C12orf42: variants seen among roughly 807,000 people sequenced by gnomAD.
C12orf42 encodes uncharacterized protein C12orf42.
A neutral mutation model predicts 21.6 loss-of-function variants in C12orf42; 25 were observed. The observed-to-expected ratio is 1.16, with a 90% confidence interval of 0.84 to 1.62. The LOEUF (loss-of-function observed/expected upper bound fraction) is 1.62, where lower values mean the gene tolerates loss of function less well. Ranked by LOEUF, C12orf42 falls within the 40% of genes most tolerant of loss-of-function variation. The probability of loss-of-function intolerance (pLI) is 0.00; values close to 1 mark genes in which losing one functional copy is unlikely to be tolerated. For missense variants in C12orf42, 483 were observed against 459.3 expected, an observed-to-expected ratio of 1.05 and a Z score of -0.47; for synonymous variants, 174 against 175.0, an observed-to-expected ratio of 0.99 and a Z score of 0.05.
the C12orf42 span, among the ~76,000 whole-genome samples, chr12:103,524,998 T>G: frequency 3.9e-5 from 6 of 151,932 alleles, no homozygotes; most frequent in Admixed American, 6.6e-5. Context: ...GGGGAGATTT[T>G]TTTGTTTGTT....
the C12orf42 span, among the ~76,000 whole-genome samples, chr12:103,070,426 T>C: frequency 1.3e-5 from 2 of 152,048 alleles, no homozygotes; most frequent in African/African-American, 4.8e-5. Flanking sequence ...CTTTCATCTT[T>C]GCAATTCCAT....
chr12:103,258,559 AAAT>A (rs1334445939), intron 10 of C12orf42, among the ~76,000 whole-genome samples: 1 of 151,848 alleles, frequency 6.6e-6, no homozygotes, highest in African/African-American at 2.4e-5. Flanking sequence ...AGAAATCAAA[AAAT>A]AAGAATAAAA....
chr12:103,322,074 T>C (rs932129255), intron 4 of C12orf42, among the ~76,000 whole-genome samples: 1 of 151,948 alleles, frequency 6.6e-6, no homozygotes, highest in African/African-American at 2.4e-5. Context: ...ATAGTAATTA[T>C]GTTTTATTCT....
At chr12:103,061,225 C>T in the C12orf42 span, among the ~76,000 whole-genome samples, 403 of 152,282 alleles carry the variant, frequency 2.6e-3, 4 homozygotes, top group African/African-American at 9.4e-3. Flanking sequence ...AGAGGTACCC[C>T]TTTAGTGCTG....
intron 5 of C12orf42, among the ~76,000 whole-genome samples, chr12:103,305,311 C>T (rs2038166338): frequency 6.6e-6 from 1 of 152,310 alleles, no homozygotes; most frequent in African/African-American, 2.4e-5. Flanking sequence ...TGAACATCAG[C>T]ACCATAAGTA....
chr12:103,276,510 G>A (rs935705395), intron 5 of C12orf42, among the ~76,000 whole-genome samples: 4 of 152,168 alleles, frequency 2.6e-5, no homozygotes, highest in African/African-American at 9.7e-5. Context: ...CCAAGGAGGA[G>A]CATTAACAAT....
the C12orf42 span, among the ~76,000 whole-genome samples, chr12:103,219,737 C>T: frequency 2.0e-5 from 3 of 151,968 alleles, no homozygotes; most frequent in African/African-American, 4.8e-5. Flanking sequence ...GTTAGAATGG[C>T]GATCATTAAA....
At chr12:103,060,683 C>T in the C12orf42 span, among the ~76,000 whole-genome samples, 1 of 152,118 alleles carries the variant, frequency 6.6e-6, no homozygotes, top group Non-Finnish European at 1.5e-5. Flanking sequence ...TATCTACAAC[C>T]ATCTGGTCTT....
At chr12:103,537,567 T>C in the C12orf42 span, among the ~76,000 whole-genome samples, 3 of 152,178 alleles carry the variant, frequency 2.0e-5, no homozygotes, top group Admixed American at 2.0e-4. Context: ...GTCTTTCCTA[T>C]ATAGAAGTGC....
chr12:103,361,634 T>A (rs947873267), intron 4 of C12orf42, among the ~76,000 whole-genome samples: 1 of 152,118 alleles, frequency 6.6e-6, no homozygotes, highest in East Asian at 1.9e-4. Context: ...TTCTCAGCCC[T>A]GCTCACCCAC....
At chr12:103,269,785 G>A (rs1473181998) in intron 6 of C12orf42, 1 of 152,240 alleles carries the variant, frequency 6.6e-6, no homozygotes, top group African/African-American at 2.4e-5. Flanking sequence ...AGGATGCAAC[G>A]GGTGTCACAG....
the C12orf42 span, among the ~76,000 whole-genome samples, chr12:103,228,518 G>A: frequency 3.3e-5 from 5 of 152,250 alleles, no homozygotes; most frequent in South Asian, 8.3e-4. Context: ...CAAGTCACAG[G>A]GGATGTGATG....
intron 4 of C12orf42, among the ~76,000 whole-genome samples, chr12:103,287,560 TG>T (rs2036546700): frequency 6.7e-6 from 1 of 149,562 alleles, no homozygotes; most frequent in South Asian, 2.1e-4. Context: ...TGTTGTGGGG[TG>T]GGGAGAGGGG....
chr12:103,058,728 C>G, the C12orf42 span, among the ~76,000 whole-genome samples: 1 of 152,128 alleles, frequency 6.6e-6, no homozygotes, highest in East Asian at 1.9e-4. Flanking sequence ...TCCTGAATGA[C>G]TACTGGGTAA....
chr12:103,295,061 G>T (rs1328998987), intron 4 of C12orf42, among the ~76,000 whole-genome samples: 9 of 152,028 alleles, frequency 5.9e-5, no homozygotes, highest in Non-Finnish European at 1.0e-4. Flanking sequence ...AAGGATAATG[G>T]CCTCCAGCTC....
chr12:103,450,316 T>C (rs1319918715), intron 2 of C12orf42, among the ~76,000 whole-genome samples: 1 of 152,168 alleles, frequency 6.6e-6, no homozygotes, highest in Non-Finnish European at 1.5e-5. Flanking sequence ...CTTTTAATTT[T>C]TGATATCAAG....
chr12:103,404,255 T>A (rs886491366), intron 2 of C12orf42, among the ~76,000 whole-genome samples: 1 of 152,190 alleles, frequency 6.6e-6, no homozygotes, highest in African/African-American at 2.4e-5. Context: ...CCTTGAACTT[T>A]TAAGCAAGAC....
At chr12:103,280,902 C>T (rs1049587409) in intron 4 of C12orf42, among the ~76,000 whole-genome samples, 5 of 152,142 alleles carry the variant, frequency 3.3e-5, no homozygotes, top group Admixed American at 6.5e-5. Flanking sequence ...GGACTTCCAA[C>T]ACTAAAATCT....
intron 2 of C12orf42, among the ~76,000 whole-genome samples, chr12:103,439,837 G>A (rs545636392): frequency 0.014 from 2,110 of 150,068 alleles, 51 homozygotes; most frequent in African/African-American, 0.048. Context: ...AACCATTGTG[G>A]AAGTCAGTGT....
Sources: allele counts gnomAD v4.1 joint callset (sites outside exome capture counted in the v4.1 genomes callset), GRCh38; gene constraint gnomAD v4.1.1; transcripts MANE v1.5; gene names NCBI Gene and HGNC (gene_info 2026-07-23, HGNC 2026-07-21).